The following PDE3A variants were observed in gnomAD, a reference collection of about 807,000 sequenced individuals.
The protein encoded by PDE3A is cGMP-inhibited 3',5'-cyclic phosphodiesterase 3A.
A neutral mutation model predicts 98.3 loss-of-function variants in PDE3A; 43 were observed. The observed-to-expected ratio is 0.44, with a 90% CI of 0.34 to 0.56. The LOEUF is 0.56. PDE3A is among the 20% of genes least tolerant of loss of function. The pLI is 0.01. For synonymous variants in PDE3A, 663 were observed against 567.9 expected, an observed-to-expected ratio of 1.17 and a Z score of -2.38; for missense variants, 1,427 against 1,440.7, an observed-to-expected ratio of 0.99 and a Z score of 0.15.
intron 1 of PDE3A, among the ~76,000 whole-genome samples, chr12:20,536,994 T>C (rs1941765618): frequency 6.6e-6 from 1 of 152,110 alleles, no homozygotes; most frequent in Non-Finnish European, 1.5e-5. Flanking sequence ...TGCATCACTT[T>C]GCATTTCCAC....
Position 20,685,866 on chromosome 12 carries a change from T to G in PDE3A, c.*5595T>G, listed in dbSNP as rs1226773367. Among the ~76,000 whole-genome samples the G allele has an allele frequency of 6.6e-6, 1 of 152,192 alleles. No homozygotes were observed. On this transcript the variant is annotated 3_prime_UTR_variant, in exon 16 of 16. Coordinates refer to ENST00000359062, the MANE Select transcript of PDE3A (RefSeq NM_000921.5). ...AGTGGTTCTTTAGTTATGCAAATAATTCAATAACCAAAAATGCTTCAAAGA... is the reference window on the plus strand; with the variant it reads ...AGTGGTTCTTTAGTTATGCAAATAAGTCAATAACCAAAAATGCTTCAAAGA...
intron 2 of PDE3A, among the ~76,000 whole-genome samples, chr12:20,603,485 A>G (rs1334506294): frequency 6.6e-6 from 1 of 152,216 alleles, no homozygotes; most frequent in East Asian, 1.9e-4. Context: ...AGTAGGGAGT[A>G]CAATATATCT....
intron 2 of PDE3A, among the ~76,000 whole-genome samples, chr12:20,591,558 G>A (rs1448156191): frequency 3.3e-5 from 5 of 152,334 alleles, no homozygotes; most frequent in South Asian, 2.1e-4. Context: ...TTCTAATGCC[G>A]AAGGCAAATT....
intron 1 of PDE3A, among the ~76,000 whole-genome samples, chr12:20,510,541 G>T (rs928974805): frequency 2.0e-5 from 3 of 152,084 alleles, no homozygotes; most frequent in African/African-American, 7.2e-5. Flanking sequence ...GAGTGTGTAT[G>T]CTGTGGACAA....
At chr12:20,513,387 G>A (rs1044589090) in intron 1 of PDE3A, among the ~76,000 whole-genome samples, 9 of 152,096 alleles carry the variant, frequency 5.9e-5, no homozygotes, top group Non-Finnish European at 1.2e-4. Context: ...CATCTCTAAA[G>A]AGAATTTGTT....
At chr12:20,650,236 C>T (rs558692578) in intron 13 of PDE3A, among the ~76,000 whole-genome samples, 1 of 139,850 alleles carries the variant, frequency 7.2e-6, no homozygotes, top group Non-Finnish European at 1.6e-5. Flanking sequence ...TAATTTTATC[C>T]ATAATTCGTT....
chr12:20,559,299 C>T (rs1438284924), intron 2 of PDE3A, among the ~76,000 whole-genome samples: 2 of 151,912 alleles, frequency 1.3e-5, no homozygotes, highest in Non-Finnish European at 2.9e-5. Flanking sequence ...GCTATACCAT[C>T]TGGTTTGTGT....
chr12:20,659,411 T>C (rs955820850), intron 15 of PDE3A, among the ~76,000 whole-genome samples: 2 of 152,188 alleles, frequency 1.3e-5, no homozygotes, highest in Non-Finnish European at 2.9e-5. Context: ...CCAAGTTTCT[T>C]TGTCACCCCC....
intron 1 of PDE3A, among the ~76,000 whole-genome samples, chr12:20,372,662 C>T (rs1271791614): frequency 1.3e-5 from 2 of 152,124 alleles, no homozygotes; most frequent in African/African-American, 2.4e-5. Context: ...CATTTGCATA[C>T]TTTGTGAAGT....
chr12:20,648,251 G>A (rs1421477959), intron 12 of PDE3A, among the ~76,000 whole-genome samples: 1 of 150,954 alleles, frequency 6.6e-6, no homozygotes, highest in Non-Finnish European at 1.5e-5. Context: ...GTTACCTCTT[G>A]AGGTATTGTG....
chr12:20,609,906 G>A (rs1943805874), intron 2 of PDE3A, among the ~76,000 whole-genome samples: 1 of 150,470 alleles, frequency 6.6e-6, no homozygotes, highest in Non-Finnish European at 1.5e-5. Context: ...CTCAAAATAC[G>A]TAAAGACTGA....
At chr12:20,669,499 T>C (rs546230235) in intron 15 of PDE3A, among the ~76,000 whole-genome samples, 33 of 151,788 alleles carry the variant, frequency 2.2e-4, no homozygotes, top group Non-Finnish European at 4.6e-4. Flanking sequence ...ACAGCAGATC[T>C]CTCGGCAGAA....
intron 2 of PDE3A, among the ~76,000 whole-genome samples, chr12:20,589,832 G>A (rs960818931): frequency 3.5e-5 from 5 of 141,946 alleles, no homozygotes; most frequent in Non-Finnish European, 7.5e-5. Context: ...TCGTGCCACT[G>A]CACTCCAGCC....
chr12:20,673,218 G>A (rs1945537509), intron 15 of PDE3A, among the ~76,000 whole-genome samples: 1 of 152,126 alleles, frequency 6.6e-6, no homozygotes, highest in African/African-American at 2.4e-5. Flanking sequence ...TGGAAAGGAT[G>A]TGGAGAAATA....
intron 1 of PDE3A, among the ~76,000 whole-genome samples, chr12:20,521,131 G>A (rs1946416835): frequency 1.4e-5 from 1 of 69,936 alleles, no homozygotes; most frequent in Admixed American, 1.8e-4. Context: ...GTCTCTCCTG[G>A]AGTGTTTTTT....
intron 15 of PDE3A, among the ~76,000 whole-genome samples, chr12:20,672,069 C>A (rs892646069): frequency 6.6e-6 from 1 of 151,612 alleles, no homozygotes; most frequent in African/African-American, 2.4e-5. Flanking sequence ...AAATAGAGAG[C>A]CAAATCATGA....
At chr12:20,465,993 T>A (rs1260739067) in intron 1 of PDE3A, among the ~76,000 whole-genome samples, 1 of 152,210 alleles carries the variant, frequency 6.6e-6, no homozygotes, top group Non-Finnish European at 1.5e-5. Flanking sequence ...CAGAGCCCGT[T>A]GCCTAGTGTG....
rs1332345571 is a variant in PDE3A at position 20,502,846 on chromosome 12, G to A, written c.961-53814G>A. 2.6e-5 allele frequency among the ~76,000 whole-genome samples: 4 copies of A among 152,234 alleles called. No individual in the cohort carries two copies. The East Asian group carries it at 5.8e-4, about 22-fold the overall frequency. ...CATTCACTCCTGCCAATAGAAGATG[G>A]TTAAGAAGTGGTGTTTGGGAGCTGG... On this transcript the variant is annotated intron_variant, in intron 1 of 15. Coordinates refer to ENST00000359062, the MANE Select transcript of PDE3A (RefSeq NM_000921.5).
intron 2 of PDE3A, among the ~76,000 whole-genome samples, chr12:20,583,828 A>G (rs6487108): frequency 0.73 from 110,408 of 152,022 alleles, 40,142 homozygotes; most frequent in Admixed American, 0.8. Flanking sequence ...TTTATAGCCT[A>G]GAAATAGTAG....
Sources: gnomAD v4.1 joint callset for allele counts (sites outside exome capture counted in the v4.1 genomes callset) on GRCh38, gnomAD v4.1.1 for gene constraint, MANE v1.5 for transcripts, NCBI Gene and HGNC (gene_info 2026-07-23, HGNC 2026-07-21) for gene names.